CELF4: variants seen among roughly 807,000 people sequenced by gnomAD.
CELF4 encodes CUGBP Elav-like family member 4, also known as CUG-BP- and ETR-3-like factor 4.
CELF4 carries 18 observed loss-of-function variants against 59.9 expected under a neutral mutation model. The ratio of observed to expected loss-of-function variants is 0.30; its 90% CI spans 0.21 to 0.45. The LOEUF (loss-of-function observed/expected upper bound fraction) is 0.45, where lower values mean the gene tolerates loss of function less well. Among genes scored for constraint, CELF4 ranks in the 20% least tolerant of loss-of-function variants. The pLI is 1.00. For synonymous variants in CELF4, 261 were observed against 267.1 expected, an observed-to-expected ratio of 0.98 and a Z score of 0.22; for missense variants, 456 against 689.0, an observed-to-expected ratio of 0.66 and a Z score of 3.79.
At chr18:37,474,920 G>T (rs776315792) in intron 2 of CELF4, among the ~76,000 whole-genome samples, 2 of 152,190 alleles carry the variant, frequency 1.3e-5, no homozygotes. Flanking sequence ...CTTTGCCCAC[G>T]CATGCAGCAA....
At position 37,482,676 on chromosome 18, in the gene CELF4, CA is replaced by C. The variant is rs925346229; in HGVS notation, c.369+2848del. 6.8e-4 allele frequency among the ~76,000 whole-genome samples: 104 copies of C among 152,240 alleles called. 1 individual carries two copies. The highest frequency in any genetic ancestry group is 2.1e-3 in the African/African-American group (89 of 41,548). On this transcript the variant is annotated intron_variant, in intron 2 of 12. Coordinates refer to ENST00000420428, the MANE Select transcript of CELF4 (RefSeq NM_020180.4). ...TCCCTTTTCAGGCCTCCAATGAAGA[CA>C]TGTGCTAGGGGTGCCTCTAGTTCTG...
At chr18:37,358,702 G>A (rs1469491061) in intron 2 of CELF4, among the ~76,000 whole-genome samples, 1 of 152,336 alleles carries the variant, frequency 6.6e-6, no homozygotes, top group East Asian at 1.9e-4. Flanking sequence ...ATGAAAGCGC[G>A]TAGGCTGTAG....
intron 2 of CELF4, among the ~76,000 whole-genome samples, chr18:37,349,389 C>T (rs1297487614): frequency 2.0e-5 from 3 of 152,222 alleles, no homozygotes; most frequent in African/African-American, 4.8e-5. Context: ...CCTGGAGATG[C>T]GATGCCTTCC....
At chr18:37,454,572 C>A (rs145018036) in intron 2 of CELF4, among the ~76,000 whole-genome samples, 1 of 152,128 alleles carries the variant, frequency 6.6e-6, no homozygotes, top group African/African-American at 2.4e-5. Flanking sequence ...TTTGTTCACA[C>A]CCCCGCAATA....
intron 1 of CELF4, among the ~76,000 whole-genome samples, chr18:37,499,716 G>A (rs569815710): frequency 1.3e-5 from 2 of 152,328 alleles, no homozygotes; most frequent in African/African-American, 4.8e-5. Flanking sequence ...TGGTTTGCAT[G>A]ACAGTGCTGA....
intron 2 of CELF4, among the ~76,000 whole-genome samples, chr18:37,450,393 G>A (rs1406281792): frequency 2.0e-5 from 3 of 151,076 alleles, no homozygotes; most frequent in Non-Finnish European, 3.0e-5. Context: ...GGTCTCTCTC[G>A]GTGTCTCTCT....
chr18:37,357,389 T>G (rs944129665), intron 2 of CELF4, among the ~76,000 whole-genome samples: 1 of 152,136 alleles, frequency 6.6e-6, no homozygotes, highest in Non-Finnish European at 1.5e-5. Flanking sequence ...GCTGAGCCTG[T>G]GAGTACACAG....
At chr18:37,496,273 C>A (rs2099925115) in intron 1 of CELF4, among the ~76,000 whole-genome samples, 2 of 152,212 alleles carry the variant, frequency 1.3e-5, no homozygotes, top group Non-Finnish European at 2.9e-5. Context: ...CTCAACTAGA[C>A]CACAGCGCCC....
chr18:37,385,177 T>C (rs529438443), intron 2 of CELF4, among the ~76,000 whole-genome samples: 9 of 151,944 alleles, frequency 5.9e-5, no homozygotes, highest in African/African-American at 2.2e-4. Context: ...TGAAACCCTA[T>C]CTCTACCAAA....
intron 1 of CELF4, 65 bp downstream of exon 1, chr18:37,565,291 C>T (rs1057106342): frequency 2.1e-5 from 31 of 1,452,740 alleles, no homozygotes; most frequent in Non-Finnish European, 1.8e-6. Flanking sequence ...AGTCGCCGGC[C>T]GGCCGGTCGG....
rs561678221 is a variant in CELF4 at position 37,503,000 on chromosome 18, C to T, written c.287-17393G>A. Among the ~76,000 whole-genome samples the T allele has an allele frequency of 7.9e-5, 12 of 152,322 alleles. No individual in the cohort carries two copies. In the South Asian group the frequency reaches 1.0e-3, roughly 13 times the overall value. Reference sequence around the variant, plus strand: ...GGGACAGAGCCTCACAGTACCAGGTCGGGTGGGTGCATCATCACACATCTG... The same window carrying T: ...GGGACAGAGCCTCACAGTACCAGGTTGGGTGGGTGCATCATCACACATCTG... On this transcript the variant is annotated intron_variant, in intron 1 of 12. Coordinates refer to ENST00000420428, the MANE Select transcript of CELF4 (RefSeq NM_020180.4).
chr18:37,549,850 T>C (rs1329749144), intron 1 of CELF4, among the ~76,000 whole-genome samples: 1 of 152,146 alleles, frequency 6.6e-6, no homozygotes, highest in African/African-American at 2.4e-5. Flanking sequence ...TAATCTGGTA[T>C]ATAATGTGGT....
chr18:37,396,892 G>C (rs1241354772), intron 2 of CELF4, among the ~76,000 whole-genome samples: 1 of 152,106 alleles, frequency 6.6e-6, no homozygotes, highest in Non-Finnish European at 1.5e-5. Flanking sequence ...CATGTTTGAG[G>C]CAAACTCACC....
chr18:37,547,214 G>A (rs1410949291), intron 1 of CELF4, among the ~76,000 whole-genome samples: 1 of 141,792 alleles, frequency 7.1e-6, no homozygotes, highest in Non-Finnish European at 1.6e-5. Context: ...AGCTGAGCAG[G>A]GCCATCTTCT....
At chr18:37,410,570 AGT>A (rs2099435082) in intron 2 of CELF4, among the ~76,000 whole-genome samples, 1 of 152,238 alleles carries the variant, frequency 6.6e-6, no homozygotes, top group Non-Finnish European at 1.5e-5. Context: ...AGCCACCTTC[AGT>A]GTGCATGCTG....
chr18:37,546,207 C>T (rs1381425577), intron 1 of CELF4, among the ~76,000 whole-genome samples: 2 of 152,142 alleles, frequency 1.3e-5, no homozygotes, highest in Admixed American at 6.5e-5. Context: ...TTGGCCCACC[C>T]GAGCCCGTCG....
At chr18:37,516,563 A>G (rs2099950850) in intron 1 of CELF4, among the ~76,000 whole-genome samples, 2 of 152,236 alleles carry the variant, frequency 1.3e-5, no homozygotes, top group Non-Finnish European at 1.5e-5. Context: ...AACTACCAGG[A>G]CCAGGAATTA....
At chr18:37,361,331 G>A (rs1043220762) in intron 2 of CELF4, among the ~76,000 whole-genome samples, 1 of 152,180 alleles carries the variant, frequency 6.6e-6, no homozygotes, top group Admixed American at 6.5e-5. Flanking sequence ...TGTGCCTGTG[G>A]CTCACCAGCT....
At chr18:37,388,682 G>T (rs557150703) in intron 2 of CELF4, among the ~76,000 whole-genome samples, 1 of 152,176 alleles carries the variant, frequency 6.6e-6, no homozygotes, top group African/African-American at 2.4e-5. Context: ...CAATAAGTGC[G>T]GTGGGGAGGG....
Sources: gnomAD v4.1 joint callset for allele counts (sites outside exome capture counted in the v4.1 genomes callset) on GRCh38, gnomAD v4.1.1 for gene constraint, MANE v1.5 for transcripts, NCBI Gene and HGNC (gene_info 2026-07-23, HGNC 2026-07-21) for gene names.